The following GUCY1A2 variants were observed in gnomAD, a reference collection of about 807,000 sequenced individuals.
GUCY1A2 encodes the protein guanylate cyclase soluble subunit alpha-2.
In GUCY1A2, 27 loss-of-function variants were observed where a neutral mutation model predicts 63.5. The observed-to-expected ratio is 0.43, with a 90% CI of 0.31 to 0.59. GUCY1A2 has a LOEUF of 0.59. GUCY1A2 is among the 20% of genes least tolerant of loss of function. The pLI is 0.11. For synonymous variants in GUCY1A2, 364 were observed against 343.5 expected (o/e 1.06, Z -0.66); for missense variants, 768 against 913.3 (o/e 0.84, Z 2.05).
intron 3 of GUCY1A2, among the ~76,000 whole-genome samples, chr11:106,948,115 A>C (rs995014167): frequency 2.0e-5 from 3 of 152,150 alleles, no homozygotes; most frequent in Non-Finnish European, 4.4e-5. Flanking sequence ...ACTCAAGAAG[A>C]ACCTGAGTTC....
intron 6 of GUCY1A2, among the ~76,000 whole-genome samples, chr11:106,742,219 A>T (rs1863706415): frequency 1.3e-5 from 2 of 152,104 alleles, no homozygotes; most frequent in East Asian, 3.9e-4. Flanking sequence ...TATGTGCAGG[A>T]TGTGCAGGTT....
chr11:106,992,984 AAAATTCC>A (rs1322238967), intron 1 of GUCY1A2, among the ~76,000 whole-genome samples: 1 of 152,130 alleles, frequency 6.6e-6, no homozygotes, highest in Non-Finnish European at 1.5e-5. Context: ...TTCCCTCATC[AAAATTCC>A]AAATCCCCTT....
At chr11:106,879,102 C>T (rs917429835) in intron 4 of GUCY1A2, among the ~76,000 whole-genome samples, 1 of 150,410 alleles carries the variant, frequency 6.6e-6, no homozygotes, top group Non-Finnish European at 1.5e-5. Context: ...GGGTTTCACA[C>T]CAGAACAGTC....
At chr11:106,712,978 G>T (rs1863146695) in intron 6 of GUCY1A2, among the ~76,000 whole-genome samples, 1 of 152,062 alleles carries the variant, frequency 6.6e-6, no homozygotes, top group Non-Finnish European at 1.5e-5. Flanking sequence ...GGGTCTTTTT[G>T]CAACTCTTAC....
intron 4 of GUCY1A2, among the ~76,000 whole-genome samples, chr11:106,882,749 A>C (rs534203725): frequency 6.6e-6 from 1 of 152,136 alleles, no homozygotes; most frequent in Admixed American, 6.6e-5. Context: ...TGCCATCAAA[A>C]TGTGTCCCCA....
At chr11:106,895,118 T>C (rs1212075424) in intron 4 of GUCY1A2, among the ~76,000 whole-genome samples, 1 of 152,168 alleles carries the variant, frequency 6.6e-6, no homozygotes, top group East Asian at 1.9e-4. Context: ...AGAAATACTC[T>C]ATGCCCACAA....
At chr11:106,769,708 G>A (rs920458589) in intron 6 of GUCY1A2, among the ~76,000 whole-genome samples, 2 of 151,948 alleles carry the variant, frequency 1.3e-5, no homozygotes, top group East Asian at 1.9e-4. Context: ...TATGAAAACT[G>A]CCACTATATG....
chr11:106,685,373 A>C lies in GUCY1A2; in HGVS notation c.*2176T>G, dbSNP rs2135331151. 4.7e-6 allele frequency: 1 copy of C among 214,172 alleles called. No individual in the cohort carries two copies. The highest frequency in any genetic ancestry group is 7.0e-5 in the East Asian group (1 of 14,238). The allele number at this position is 214,172 out of a possible 1,614,324, so 13.3% of individuals were successfully genotyped here. A position where few individuals can be genotyped will look rare whatever the true frequency, so the allele number is the denominator to read the frequency against. On this transcript the variant is annotated 3_prime_UTR_variant, in exon 8 of 8. Coordinates refer to ENST00000526355, the MANE Select transcript of GUCY1A2 (RefSeq NM_000855.3). Reference sequence around the variant, plus strand: ...GATGCTTTTCAAATATGCTTCCCGTAGATATTCTTAAGTATGGAGATAATA... The same window carrying C: ...GATGCTTTTCAAATATGCTTCCCGTCGATATTCTTAAGTATGGAGATAATA...
At chr11:106,730,059 A>AATATATATAT (rs60486225) in intron 6 of GUCY1A2, among the ~76,000 whole-genome samples, 1,507 of 103,068 alleles carry the variant, frequency 0.015, 17 homozygotes, top group Middle Eastern at 0.019. Context: ...ATCAGCATGG[A>AATATATATAT]ATATATATAT....
chr11:106,734,862 T>C (rs1863562481), intron 6 of GUCY1A2, among the ~76,000 whole-genome samples: 1 of 152,134 alleles, frequency 6.6e-6, no homozygotes, highest in South Asian at 2.1e-4. Context: ...CTAGGACCCA[T>C]GGTCTTTCTT....
intron 3 of GUCY1A2, among the ~76,000 whole-genome samples, chr11:106,966,392 G>A (rs1861127288): frequency 6.6e-6 from 1 of 152,130 alleles, no homozygotes; most frequent in South Asian, 2.1e-4. Flanking sequence ...ACAGGAATGA[G>A]CCACCGCGCC....
chr11:106,965,766 C>T (rs1861119291), intron 3 of GUCY1A2, among the ~76,000 whole-genome samples: 1 of 152,092 alleles, frequency 6.6e-6, no homozygotes, highest in Admixed American at 6.5e-5. Context: ...GGATGATGAA[C>T]ACCACTCGGG....
intron 4 of GUCY1A2, among the ~76,000 whole-genome samples, chr11:106,855,898 T>A (rs1591303452): frequency 1.7e-5 from 1 of 57,612 alleles, no homozygotes; most frequent in African/African-American, 6.0e-5. Context: ...TTGTATTTTA[T>A]TTATTTATTT....
Position 106,687,512 on chromosome 11 carries a change from T to C in GUCY1A2, c.*37A>G. 2 of 1,482,952 alleles carry C rather than the reference T, an allele frequency of 1.3e-6. No homozygotes were observed. The highest frequency in any genetic ancestry group is 1.1e-5 in the South Asian group (1 of 88,410). 91.9% of individuals were successfully genotyped at this position (1,482,952 alleles called of 1,614,324 possible). A position where few individuals can be genotyped will look rare whatever the true frequency, so the allele number is the denominator to read the frequency against. On this transcript the variant is annotated 3_prime_UTR_variant, in exon 8 of 8. Coordinates refer to ENST00000526355, the MANE Select transcript of GUCY1A2 (RefSeq NM_000855.3). ...CCATTGGTGACCCATGTTCTGGGCTTGTGCTTTTTGGAGGAGTCTTTGATC... is the reference window on the plus strand; with the variant it reads ...CCATTGGTGACCCATGTTCTGGGCTCGTGCTTTTTGGAGGAGTCTTTGATC...
intron 7 of GUCY1A2, among the ~76,000 whole-genome samples, chr11:106,701,659 A>C (rs1445152452): frequency 6.6e-6 from 1 of 152,172 alleles, no homozygotes; most frequent in African/African-American, 2.4e-5. Context: ...TAGAGAAGTT[A>C]ACAGATACAA....
At chr11:106,999,213 T>C (rs1354380527) in intron 1 of GUCY1A2, among the ~76,000 whole-genome samples, 1 of 152,182 alleles carries the variant, frequency 6.6e-6, no homozygotes, top group Non-Finnish European at 1.5e-5. Flanking sequence ...TGGGAGAGTC[T>C]TACAGCAGAT....
At chr11:106,696,485 A>G (rs573625300) in intron 7 of GUCY1A2, among the ~76,000 whole-genome samples, 3 of 152,336 alleles carry the variant, frequency 2.0e-5, no homozygotes, top group Non-Finnish European at 4.4e-5. Flanking sequence ...GAAAATATGC[A>G]CAATTATTTT....
chr11:106,912,589 G>C (rs973802242), intron 4 of GUCY1A2, among the ~76,000 whole-genome samples: 2 of 152,048 alleles, frequency 1.3e-5, no homozygotes, highest in Non-Finnish European at 2.9e-5. Context: ...ACTGCAGTGG[G>C]GTGAGGTTTA....
chr11:106,955,192 G>C (rs1344423636), intron 3 of GUCY1A2, among the ~76,000 whole-genome samples: 2 of 151,954 alleles, frequency 1.3e-5, no homozygotes, highest in Non-Finnish European at 2.9e-5. Flanking sequence ...GGCTGGTCTT[G>C]AACTCCCAAC....
Sources: gnomAD v4.1 joint callset for allele counts (sites outside exome capture counted in the v4.1 genomes callset) on GRCh38, gnomAD v4.1.1 for gene constraint, MANE v1.5 for transcripts, NCBI Gene and HGNC (gene_info 2026-07-23, HGNC 2026-07-21) for gene names.